The following NRG2 variants were observed in gnomAD, a reference collection of about 807,000 sequenced individuals.
The protein encoded by NRG2 is pro-neuregulin-2, membrane-bound isoform.
Under a neutral mutation model 73.9 loss-of-function variants are expected in NRG2, and 27 were observed. The observed-to-expected ratio is 0.37, with a 90% CI of 0.27 to 0.50. The LOEUF is 0.50. Among genes scored for constraint, NRG2 ranks in the 20% least tolerant of loss-of-function variants. NRG2 has a pLI of 0.96. For synonymous variants in NRG2, 532 were observed against 541.0 expected (o/e 0.98, Z 0.23); for missense variants, 1,126 against 1,210.1 (o/e 0.93, Z 1.03).
intron 1 of NRG2, among the ~76,000 whole-genome samples, chr5:139,988,141 T>C (rs1580884208): frequency 6.6e-6 from 1 of 152,030 alleles, no homozygotes; most frequent in Non-Finnish European, 1.5e-5. Context: ...GTCCAGAACA[T>C]GACAACACCA....
chr5:139,990,562 TC>T (rs1257523898), intron 1 of NRG2, among the ~76,000 whole-genome samples: 2 of 152,172 alleles, frequency 1.3e-5, no homozygotes, highest in Non-Finnish European at 2.9e-5. Context: ...TGACTTGGCC[TC>T]CCAAAGTGCT....
chr5:139,932,422 A>T (rs533221939), intron 1 of NRG2, among the ~76,000 whole-genome samples: 89 of 137,374 alleles, frequency 6.5e-4, no homozygotes, highest in East Asian at 2.7e-3. Flanking sequence ...TTTTTTTTTT[A>T]AAAAAAGCTC....
intron 1 of NRG2, among the ~76,000 whole-genome samples, chr5:139,972,413 T>C (rs1756038618): frequency 6.6e-6 from 1 of 152,118 alleles, no homozygotes; most frequent in Admixed American, 6.5e-5. Flanking sequence ...TATTAAAAAA[T>C]ATAAATCCTC....
chr5:140,032,037 C>A (rs796774109), intron 1 of NRG2, among the ~76,000 whole-genome samples: 4 of 152,252 alleles, frequency 2.6e-5, no homozygotes, highest in Admixed American at 6.5e-5. Flanking sequence ...ATCAAAGGAC[C>A]AGCACTGGCC....
chr5:139,927,700 G>A (rs13170151), intron 1 of NRG2, among the ~76,000 whole-genome samples: 20,773 of 149,956 alleles, frequency 0.14, 1,564 homozygotes, highest in South Asian at 0.25. Flanking sequence ...GAAGGCGGAG[G>A]TTGCGGTGAG....
chr5:139,890,473 C>T (rs74980180), intron 1 of NRG2, among the ~76,000 whole-genome samples: 11 of 106,040 alleles, frequency 1.0e-4, no homozygotes, highest in African/African-American at 2.5e-4. Context: ...TTCTTTCTTT[C>T]TTTTTTTTTT....
intron 1 of NRG2, among the ~76,000 whole-genome samples, chr5:140,020,008 C>A (rs1233780111): frequency 6.6e-6 from 1 of 152,192 alleles, no homozygotes; most frequent in Non-Finnish European, 1.5e-5. Flanking sequence ...CCGCCTCAGC[C>A]TCCCAAAGTG....
chr5:139,999,357 C>T (rs1273686751), intron 1 of NRG2, among the ~76,000 whole-genome samples: 1 of 152,230 alleles, frequency 6.6e-6, no homozygotes, highest in Non-Finnish European at 1.5e-5. Flanking sequence ...AGTAGAGAAT[C>T]TGGTGTTTAC....
At chr5:139,876,614 G>A (rs544157015) in intron 3 of NRG2, among the ~76,000 whole-genome samples, 5 of 152,098 alleles carry the variant, frequency 3.3e-5, no homozygotes, top group East Asian at 1.9e-4. Context: ...GGTGGGAGCC[G>A]CTGCTGTGGA....
chr5:139,940,905 C>G (rs1391100246), intron 1 of NRG2, among the ~76,000 whole-genome samples: 2 of 152,106 alleles, frequency 1.3e-5, no homozygotes, highest in Non-Finnish European at 2.9e-5. Flanking sequence ...GGAAGGGTAT[C>G]TGTCTCACAG....
chr5:139,971,164 A>G (rs1755938513), intron 1 of NRG2, among the ~76,000 whole-genome samples: 1 of 152,176 alleles, frequency 6.6e-6, no homozygotes, highest in African/African-American at 2.4e-5. Context: ...CCAGAGACCA[A>G]GCTGATGACA....
chr5:139,903,523 A>G (rs1028934417), intron 1 of NRG2, among the ~76,000 whole-genome samples: 3 of 152,106 alleles, frequency 2.0e-5, no homozygotes, highest in Non-Finnish European at 4.4e-5. Flanking sequence ...TACGGAGAGG[A>G]TGTGCATGCC....
intron 1 of NRG2, among the ~76,000 whole-genome samples, chr5:139,910,969 G>C (rs34135134): frequency 1.3e-5 from 2 of 151,940 alleles, no homozygotes; most frequent in South Asian, 2.1e-4. Context: ...GACCAGAAGA[G>C]AGAAGAAAGC....
chr5:140,039,520 A>C (rs1761754004), intron 1 of NRG2, among the ~76,000 whole-genome samples: 1 of 152,210 alleles, frequency 6.6e-6, no homozygotes, highest in Non-Finnish European at 1.5e-5. Flanking sequence ...CTCTTCCAGA[A>C]AGACCCCTGT....
intron 3 of NRG2, among the ~76,000 whole-genome samples, chr5:139,878,496 T>C (rs1011247201): frequency 6.6e-6 from 1 of 152,104 alleles, no homozygotes; most frequent in East Asian, 1.9e-4. Context: ...CATTTTACAG[T>C]AGGAAAGAAT....
chr5:140,002,831 T>C (rs1344701358), intron 1 of NRG2, among the ~76,000 whole-genome samples: 1 of 152,150 alleles, frequency 6.6e-6, no homozygotes, highest in Non-Finnish European at 1.5e-5. Flanking sequence ...CAAGAGATAA[T>C]GGTGTCTTGG....
At chr5:139,945,730 A>T (rs758323770) in intron 1 of NRG2, among the ~76,000 whole-genome samples, 2 of 151,954 alleles carry the variant, frequency 1.3e-5, no homozygotes, top group Admixed American at 1.3e-4. Context: ...GGAGTCTACT[A>T]AAAAAAGCCA....
Position 140,042,682 on chromosome 5 carries a change from C to T in NRG2, c.388G>A (p.Val130Met). Residue 130 changes from valine (V) to methionine (M), a missense_variant, in exon 1 of 10, where the codon GTG becomes ATG. Physicochemically the swap from Val to Met is conservative, Grantham distance 21. Around this residue, in one of 3 missense-constraint regions of NRG2, gnomAD observed 539 missense variants for 703.2 expected, o/e 0.77. Coordinates refer to ENST00000361474, the MANE Select transcript of NRG2 (RefSeq NM_004883.3). ...AGCCCCTGTACCTTGCCCTCCACCA[C>T]CACGGGTGCCTTGTACGCCTGGTCC... ...VQDQAYKAPVVVEGKVQGLVP... is the reference protein window; with the variant it reads ...VQDQAYKAPVMVEGKVQGLVP... The T allele has an allele frequency of 6.3e-7, 1 of 1,588,540 alleles. No homozygotes were observed. Among genetic ancestry groups the T allele is most frequent in the Non-Finnish European group, 8.6e-7 (1 of 1,167,974 alleles).
intron 2 of NRG2, among the ~76,000 whole-genome samples, chr5:139,884,747 C>G (rs1763754185): frequency 6.6e-6 from 1 of 152,202 alleles, no homozygotes; most frequent in African/African-American, 2.4e-5. Context: ...TCTTGAGCCT[C>G]TAGCAGAGTG....
Sources: allele counts gnomAD v4.1 joint callset (sites outside exome capture counted in the v4.1 genomes callset), GRCh38; gene constraint gnomAD v4.1.1; regional missense constraint gnomAD v4.1.1; transcripts MANE v1.5; gene names NCBI Gene and HGNC (gene_info 2026-07-23, HGNC 2026-07-21).